WWOX: variants seen among roughly 807,000 people sequenced by gnomAD.
WWOX encodes WW domain containing oxidoreductase, also known as WW domain-containing oxidoreductase.
Under a neutral mutation model 46.2 loss-of-function variants are expected in WWOX, and 69 were observed. The observed-to-expected ratio is 1.49, with a 90% CI of 1.23 to 1.82. The LOEUF (loss-of-function observed/expected upper bound fraction) is 1.82. Among genes scored for constraint, WWOX ranks in the 40% most tolerant of loss-of-function variants. The pLI, the probability that WWOX is intolerant of heterozygous loss-of-function variation, is 0.00. For missense variants in WWOX, 919 were observed against 542.6 expected, an observed-to-expected ratio of 1.69 and a Z score of -6.89; for synonymous variants, 359 against 202.6, an observed-to-expected ratio of 1.77 and a Z score of -6.56.
chr16:78,528,993 G>C (rs530379005), intron 8 of WWOX, among the ~76,000 whole-genome samples: 2 of 136,492 alleles, frequency 1.5e-5, no homozygotes, highest in South Asian at 4.6e-4. Context: ...TGGCTGTATT[G>C]CCCAGGCCGG....
At chr16:78,172,404 T>C (rs1239311830) in intron 5 of WWOX, among the ~76,000 whole-genome samples, 1 of 152,202 alleles carries the variant, frequency 6.6e-6, no homozygotes, top group Non-Finnish European at 1.5e-5. Context: ...TAATAAATTA[T>C]TCATCCCCCT....
chr16:78,706,582 T>G (rs1330696109), intron 8 of WWOX, among the ~76,000 whole-genome samples: 5 of 152,210 alleles, frequency 3.3e-5, no homozygotes, highest in Admixed American at 2.0e-4. Context: ...GCACACTTGG[T>G]GCAGTCTCTC....
At chr16:78,135,403 G>A (rs895682728) in intron 4 of WWOX, among the ~76,000 whole-genome samples, 35 of 152,130 alleles carry the variant, frequency 2.3e-4, no homozygotes, top group African/African-American at 8.0e-4. Context: ...AAGCATAAAA[G>A]ACGTACAGTA....
intron 8 of WWOX, among the ~76,000 whole-genome samples, chr16:78,763,041 C>G (rs1233727408): frequency 6.6e-6 from 1 of 152,150 alleles, no homozygotes; most frequent in Non-Finnish European, 1.5e-5. Flanking sequence ...GACTCTGGGA[C>G]TTACACTAGA....
At chr16:78,268,239 TA>T (rs1224346442) in intron 5 of WWOX, among the ~76,000 whole-genome samples, 4 of 151,508 alleles carry the variant, frequency 2.6e-5, no homozygotes, top group East Asian at 3.9e-4. Context: ...TAGTATTCCT[TA>T]AAAAAAAAGT....
Position 78,546,671 on chromosome 16 carries a change from T to C in WWOX, c.1056+113919T>C, listed in dbSNP as rs1315768191. Among the ~76,000 whole-genome samples, 12 of 152,306 alleles carry C rather than the reference T, an allele frequency of 7.9e-5. No individual in the cohort carries two copies. The East Asian group carries it at 2.1e-3, about 27-fold the overall frequency. On this transcript the variant is annotated intron_variant, in intron 8 of 8. Coordinates refer to ENST00000566780, the MANE Select transcript of WWOX (RefSeq NM_016373.4). ...AGATTCTGAGTTAGTACATTCAGGA[T>C]GGGGTCTAGGAATCAGTGTGTTTAA...
intron 8 of WWOX, among the ~76,000 whole-genome samples, chr16:79,109,089 T>C (rs1344625403): frequency 6.6e-6 from 1 of 152,006 alleles, no homozygotes; most frequent in East Asian, 1.9e-4. Context: ...GTGCCCTGGG[T>C]TCCTCTCCCA....
chr16:78,855,806 C>G (rs1204252231), intron 8 of WWOX, among the ~76,000 whole-genome samples: 2 of 152,218 alleles, frequency 1.3e-5, no homozygotes, highest in Non-Finnish European at 2.9e-5. Context: ...TCATTCATCA[C>G]TTATTTCCTG....
chr16:79,073,917 C>G (rs1325486651), intron 8 of WWOX, among the ~76,000 whole-genome samples: 2 of 151,742 alleles, frequency 1.3e-5, no homozygotes, highest in Non-Finnish European at 2.9e-5. Flanking sequence ...TTTTAATTTC[C>G]TTTTTCTAGC....
intron 8 of WWOX, among the ~76,000 whole-genome samples, chr16:78,928,709 G>T (rs1284423134): frequency 6.6e-6 from 1 of 152,052 alleles, no homozygotes; most frequent in Admixed American, 6.5e-5. Context: ...GGTATATTTG[G>T]CTCTCTTTCA....
chr16:78,686,109 C>T (rs555982925), intron 8 of WWOX, among the ~76,000 whole-genome samples: 13 of 152,168 alleles, frequency 8.5e-5, no homozygotes, highest in African/African-American at 3.1e-4. Flanking sequence ...TTCATACAGT[C>T]AGGACCAGAT....
chr16:79,129,838 T>C (rs542998535), intron 8 of WWOX, among the ~76,000 whole-genome samples: 145 of 152,218 alleles, frequency 9.5e-4, no homozygotes, highest in Non-Finnish European at 1.7e-3. Flanking sequence ...GGTGACAGCC[T>C]GGGTCAAATT....
chr16:78,972,664 G>A (rs961344826), intron 8 of WWOX, among the ~76,000 whole-genome samples: 2 of 152,112 alleles, frequency 1.3e-5, no homozygotes, highest in Non-Finnish European at 2.9e-5. Flanking sequence ...CAACTGCAGA[G>A]CCTATTTTTC....
chr16:78,154,743 T>C (rs956051178), intron 4 of WWOX, among the ~76,000 whole-genome samples: 1 of 152,038 alleles, frequency 6.6e-6, no homozygotes, highest in African/African-American at 2.4e-5. Context: ...ATCCTAATAG[T>C]CTCACACTTG....
chr16:78,898,028 A>C (rs982228536), intron 8 of WWOX: 1 of 151,990 alleles, frequency 6.6e-6, no homozygotes, highest in African/African-American at 2.4e-5. Context: ...TTAATATTGA[A>C]TTATAGGAAT....
chr16:78,497,961 G>C (rs2084958879), intron 8 of WWOX, among the ~76,000 whole-genome samples: 1 of 152,110 alleles, frequency 6.6e-6, no homozygotes, highest in South Asian at 2.1e-4. Context: ...ACAGCACTTT[G>C]GGAGGCCGAG....
intron 8 of WWOX, among the ~76,000 whole-genome samples, chr16:78,468,459 C>G (rs183874222): frequency 2.0e-5 from 3 of 152,204 alleles, no homozygotes; most frequent in Admixed American, 1.3e-4. Context: ...TTTGCAGATT[C>G]ATCCTTTTGC....
chr16:79,069,661 A>C (rs924988398), intron 8 of WWOX, among the ~76,000 whole-genome samples: 2 of 152,176 alleles, frequency 1.3e-5, no homozygotes, highest in Non-Finnish European at 2.9e-5. Flanking sequence ...AAAATAAAGA[A>C]AACATCTAAA....
At chr16:79,002,266 C>G (rs991104618) in intron 8 of WWOX, among the ~76,000 whole-genome samples, 7 of 122,378 alleles carry the variant, frequency 5.7e-5, no homozygotes, top group African/African-American at 1.9e-4. Context: ...TCTTCTTGCC[C>G]AGGCTGGAGT....
Sources: allele counts gnomAD v4.1 joint callset (sites outside exome capture counted in the v4.1 genomes callset), GRCh38; gene constraint gnomAD v4.1.1; transcripts MANE v1.5; gene names NCBI Gene and HGNC (gene_info 2026-07-23, HGNC 2026-07-21).